STXBP5L: variants seen among roughly 807,000 people sequenced by gnomAD.
STXBP5L encodes syntaxin-binding protein 5-like.
A neutral mutation model predicts 144.5 loss-of-function variants in STXBP5L; 65 were observed. That is an observed-to-expected ratio of 0.45 (90% confidence interval 0.37 to 0.55). STXBP5L has a LOEUF of 0.55. Among genes scored for constraint, STXBP5L ranks in the 20% least tolerant of loss-of-function variants. STXBP5L has a pLI of 0.00. For synonymous variants in STXBP5L, 505 were observed against 469.6 expected (o/e 1.08, Z -0.97); for missense variants, 1,298 against 1,405.5 (o/e 0.92, Z 1.22).
chr3:121,272,118 CT>C (rs796892584), intron 18 of STXBP5L, among the ~76,000 whole-genome samples: 10 of 152,272 alleles, frequency 6.6e-5, no homozygotes, highest in African/African-American at 2.4e-4. Context: ...ATGGAATATT[CT>C]GTATGTGTCC....
At chr3:121,037,230 G>T (rs1016499538) in intron 3 of STXBP5L, among the ~76,000 whole-genome samples, 48 of 143,490 alleles carry the variant, frequency 3.3e-4, no homozygotes, top group Non-Finnish European at 6.3e-4. Flanking sequence ...ACCACACCTG[G>T]TTTTTTTTTT....
intron 7 of STXBP5L, among the ~76,000 whole-genome samples, chr3:121,134,676 A>G (rs1205767829): frequency 6.6e-6 from 1 of 151,178 alleles, no homozygotes; most frequent in East Asian, 1.9e-4. Context: ...TGTTCTTGTG[A>G]TAGTTTGCTG....
chr3:120,978,804 G>A (rs990169028), intron 3 of STXBP5L, among the ~76,000 whole-genome samples: 1 of 152,176 alleles, frequency 6.6e-6, no homozygotes, highest in African/African-American at 2.4e-5. Context: ...TTTGCTAGAG[G>A]TCCACTCCAG....
intron 20 of STXBP5L, chr3:121,356,890 C>T (rs1370152989): frequency 6.5e-6 from 1 of 153,554 alleles, no homozygotes; most frequent in Non-Finnish European, 1.5e-5. Flanking sequence ...TATAACTGGC[C>T]AGAGCCCATT....
chr3:121,362,876 T>C (rs1034398607), intron 20 of STXBP5L, among the ~76,000 whole-genome samples: 5 of 152,118 alleles, frequency 3.3e-5, no homozygotes, highest in South Asian at 2.1e-4. Context: ...CAGGGGTTCA[T>C]CCAAGGCCCT....
chr3:120,965,656 G>C (rs888597505), intron 3 of STXBP5L, among the ~76,000 whole-genome samples: 3 of 152,182 alleles, frequency 2.0e-5, no homozygotes, highest in African/African-American at 7.2e-5. Context: ...TTGTTAGTCT[G>C]ATGGGCTTCC....
intron 5 of STXBP5L, among the ~76,000 whole-genome samples, chr3:121,047,579 T>C (rs1267882762): frequency 6.6e-6 from 1 of 152,192 alleles, no homozygotes; most frequent in Non-Finnish European, 1.5e-5. Flanking sequence ...GGCATTCTTG[T>C]TGAATTGAAC....
chr3:121,095,503 C>G (rs1021565416), intron 5 of STXBP5L, among the ~76,000 whole-genome samples: 1 of 152,100 alleles, frequency 6.6e-6, no homozygotes, highest in Non-Finnish European at 1.5e-5. Flanking sequence ...TCTTTTTTCT[C>G]TAACCTTCTC....
intron 2 of STXBP5L, among the ~76,000 whole-genome samples, chr3:120,923,817 T>A (rs530788442): frequency 6.6e-6 from 1 of 152,222 alleles, no homozygotes; most frequent in Admixed American, 6.5e-5. Flanking sequence ...TCTGCAGCAG[T>A]TGGGTGAAAT....
chr3:121,158,317 AATAG>A (rs1347807494), intron 9 of STXBP5L: 2 of 152,202 alleles, frequency 1.3e-5, no homozygotes, highest in Non-Finnish European at 2.9e-5. Context: ...TATTTGTAAT[AATAG>A]ATATGTCAGA....
At chr3:121,229,730 A>AT (rs1471892766) in intron 11 of STXBP5L, among the ~76,000 whole-genome samples, 2 of 151,674 alleles carry the variant, frequency 1.3e-5, no homozygotes, top group Admixed American at 6.6e-5. Context: ...TAATTATTTT[A>AT]TTTTTTTGTA....
chr3:121,174,583 G>A (rs775280405), intron 9 of STXBP5L, among the ~76,000 whole-genome samples: 2 of 152,088 alleles, frequency 1.3e-5, no homozygotes, highest in Non-Finnish European at 2.9e-5. Flanking sequence ...TGCTTAGGGC[G>A]GACACCCTTG....
At chr3:120,988,869 A>G (rs1270151081) in intron 3 of STXBP5L, among the ~76,000 whole-genome samples, 1 of 151,984 alleles carries the variant, frequency 6.6e-6, no homozygotes, top group Non-Finnish European at 1.5e-5. Context: ...CTCTATGTTT[A>G]TGTGTACACA....
At position 121,407,451 on chromosome 3, in the gene STXBP5L, A is replaced by G. The variant is rs751243877; in HGVS notation, c.2796A>G (p.Lys932=). The G allele has an allele frequency of 6.2e-7, 1 of 1,613,360 alleles. No homozygotes were observed. Among genetic ancestry groups the G allele is most frequent in the Non-Finnish European group, 8.5e-7 (1 of 1,179,494 alleles). Residue 932 remains lysine, a synonymous_variant, in exon 23 of 27, where the codon AAA becomes AAG. Coordinates refer to ENST00000471454, the MANE Select transcript of STXBP5L (RefSeq NM_001308330.2). ...AGTATACAATAATCTGCTCAGAAAA[A>G]CAAGCCAAAGTCTTCTCACTGCCTT... ...DHQYTIICSE[K]QAKVFSLPSQ... is the part of the protein sequence containing the mutation.
intron 2 of STXBP5L, among the ~76,000 whole-genome samples, chr3:120,939,450 A>G (rs1425782915): frequency 1.3e-5 from 2 of 152,252 alleles, no homozygotes; most frequent in East Asian, 1.9e-4. Context: ...GGAGGCTCAA[A>G]ATGTTCCCCC....
intron 9 of STXBP5L, among the ~76,000 whole-genome samples, chr3:121,193,992 A>T (rs977372851): frequency 1.4e-5 from 2 of 146,522 alleles, no homozygotes; most frequent in South Asian, 2.2e-4. Context: ...ATAATAATAA[A>T]AAGAAATTTT....
At chr3:121,343,975 A>T (rs1156714551) in intron 20 of STXBP5L, among the ~76,000 whole-genome samples, 1 of 152,180 alleles carries the variant, frequency 6.6e-6, no homozygotes, top group African/African-American at 2.4e-5. Flanking sequence ...AGCTGGAGGC[A>T]TCAAGCTACC....
intron 3 of STXBP5L, among the ~76,000 whole-genome samples, chr3:121,003,379 CT>C (rs1943959111): frequency 6.6e-6 from 1 of 152,164 alleles, no homozygotes; most frequent in Admixed American, 6.5e-5. Context: ...TGTTCATATG[CT>C]TTGCTCACTT....
chr3:121,026,389 C>A (rs1007666534), intron 3 of STXBP5L, among the ~76,000 whole-genome samples: 1 of 152,056 alleles, frequency 6.6e-6, no homozygotes, highest in Non-Finnish European at 1.5e-5. Context: ...CTCTTTATCA[C>A]ATATTCCTAT....
Sources: allele counts gnomAD v4.1 joint callset (sites outside exome capture counted in the v4.1 genomes callset), GRCh38; gene constraint gnomAD v4.1.1; transcripts MANE v1.5; gene names NCBI Gene and HGNC (gene_info 2026-07-23, HGNC 2026-07-21).